The following TMEM216 variants were observed in gnomAD, a reference collection of about 807,000 sequenced individuals.
The protein encoded by TMEM216 is cerebello-oculo-renal syndrome 2.
Under a neutral mutation model 17.8 loss-of-function variants are expected in TMEM216, and 15 were observed. The ratio of observed to expected loss-of-function variants is 0.84; its 90% CI spans 0.56 to 1.30. The LOEUF (loss-of-function observed/expected upper bound fraction) is 1.30, where lower values mean the gene tolerates loss of function less well. Ranked by LOEUF, TMEM216 falls within the 50% of genes most tolerant of loss-of-function variation. TMEM216 has a pLI of 0.00. For synonymous variants in TMEM216, 58 were observed against 73.5 expected (o/e 0.79, Z 1.08); for missense variants, 160 against 175.7 (o/e 0.91, Z 0.51).
At position 61,397,899 on chromosome 11, in the gene TMEM216, A is replaced by G. The variant is rs767271805; in HGVS notation, c.355A>G (p.Ile119Val). Reference protein sequence around the residue: ...LQTYVLRLEAIMNGILLFFCG... With the variant: ...LQTYVLRLEAVMNGILLFFCG... Reference sequence around the variant, plus strand: ...GACCTACGTACTCCGCCTGGAAGCCATCATGAATGGCATCTTGCTCTTCTT... The same window carrying G: ...GACCTACGTACTCCGCCTGGAAGCCGTCATGAATGGCATCTTGCTCTTCTT... Residue 119 changes from isoleucine (I) to valine (V), a missense_variant, in exon 4 of 5, where the codon ATC (isoleucine) becomes GTC (valine). Physicochemically the swap from Ile to Val is conservative, Grantham distance 29. Transcript: ENST00000515837. The G allele has an allele frequency of 3.1e-6, 5 of 1,614,030 alleles. No individual in the cohort carries two copies. The highest frequency in any genetic ancestry group is 3.3e-5 in the Admixed American group (2 of 60,024).
chr11:61,394,034 T>C (rs1858741747), intron 3 of TMEM216, 58 bp downstream of exon 3: 2 of 1,496,270 alleles, frequency 1.3e-6, no homozygotes, highest in Admixed American at 1.7e-5. Flanking sequence ...TATCTGTAAC[T>C]TGATTAACAA....
intron 3 of TMEM216, among the ~76,000 whole-genome samples, chr11:61,396,766 C>A (rs1007758706): frequency 6.6e-6 from 1 of 151,368 alleles, no homozygotes; most frequent in Admixed American, 6.6e-5. Flanking sequence ...TGCACTCCAG[C>A]CTGGGTGACA....
Position 61,392,636 on chromosome 11 carries a change from T to C in TMEM216, c.5T>C (p.Leu2Pro), listed in dbSNP as rs569734777. 745 of 1,534,858 alleles carry C rather than the reference T, an allele frequency of 4.9e-4. 10 individuals are homozygous for C. In the South Asian group the frequency reaches 8.5e-3, roughly 17 times the overall value. The change falls in exon 1 of 5, where the codon CTG (leucine) becomes CCG (proline). Residue 2 changes from leucine to proline, a missense_variant. Leu to Pro is a moderately conservative substitution (Grantham distance 98). Transcript: ENST00000515837. The stretch of plus-strand genomic sequence containing the variant: ...CGGGAGCCGCTGTGGCAGCGTATGC[T>C]GCCACGGGGACTGAAGATGGCGCCG... MLPRGLKMAPRG... is the reference protein window; with the variant it reads MPPRGLKMAPRG...
At chr11:61,395,771 T>C (rs1243315047) in intron 3 of TMEM216, among the ~76,000 whole-genome samples, 1 of 151,174 alleles carries the variant, frequency 6.6e-6, no homozygotes. Flanking sequence ...TGGCAGTTCA[T>C]GTAAAAATAA....
Position 61,393,966 on chromosome 11 carries a change from C to T in TMEM216, c.219C>T (p.Arg73=). 9 of 1,613,876 alleles carry T rather than the reference C, an allele frequency of 5.6e-6. No homozygotes were observed. The highest frequency in any genetic ancestry group is 6.8e-6 in the Non-Finnish European group (8 of 1,179,830). ...TTTATCTTGGAATTGAAGTAATTCG[C>T]CTGTTTTTTGGTAAGTGTTGTCCAG... ...LLLYLGIEVI[R]LFFGTKGNLC... The change falls in exon 3 of 5, where the codon CGC becomes CGT. Residue 73 remains arginine (R), a synonymous_variant. Coordinates refer to ENST00000515837, the MANE Select transcript of TMEM216 (RefSeq NM_001173990.3).
chr11:61,394,049 A>G, intron 3 of TMEM216, 73 bp downstream of exon 3: 1 of 1,380,132 alleles, frequency 7.2e-7, no homozygotes, highest in South Asian at 1.2e-5. Context: ...TAACAAGAAA[A>G]GTACATAACC....
At chr11:61,396,423 G>A (rs1171824223) in intron 3 of TMEM216, among the ~76,000 whole-genome samples, 1 of 152,072 alleles carries the variant, frequency 6.6e-6, no homozygotes, top group African/African-American at 2.4e-5. Context: ...AAGTTGCAGT[G>A]AGCCGAGATT....
chr11:61,394,725 G>A (rs866671479), intron 3 of TMEM216, among the ~76,000 whole-genome samples: 1 of 149,856 alleles, frequency 6.7e-6, no homozygotes. Context: ...GGAGTGCAGT[G>A]GCACCATCTC....
At chr11:61,396,931 CAAA>C (rs35510102) in intron 3 of TMEM216, among the ~76,000 whole-genome samples, 1 of 122,464 alleles carries the variant, frequency 8.2e-6, no homozygotes. Context: ...TAAACACTAT[CAAA>C]AAAAAAAAAA....
rs559802280 is a variant in TMEM216 at position 61,397,861 on chromosome 11, A to G, written c.317A>G (p.Tyr106Cys). ...TFPSAMMASY[Y>C]LLLQTYVLRL... is the part of the protein sequence containing the mutation. Reference sequence around the variant, plus strand: ...CCATCTGCCATGATGGCCTCCTATTACCTGCTGCTGCAGACCTACGTACTC... The same window carrying G: ...CCATCTGCCATGATGGCCTCCTATTGCCTGCTGCTGCAGACCTACGTACTC... The change falls in exon 4 of 5, where the codon TAC (tyrosine) becomes TGC (cysteine). Residue 106 changes from tyrosine to cysteine, a missense_variant. Tyr to Cys is a radical substitution (Grantham distance 194, BLOSUM62 -2). Coordinates refer to ENST00000515837, the MANE Select transcript of TMEM216 (RefSeq NM_001173990.3). 2 of 1,613,772 alleles carry G rather than the reference A, an allele frequency of 1.2e-6. No homozygotes were observed. Among genetic ancestry groups the G allele is most frequent in the South Asian group, 1.1e-5 (1 of 91,066 alleles).
intron 3 of TMEM216, among the ~76,000 whole-genome samples, chr11:61,397,329 GC>G (rs1172710766): frequency 2.0e-5 from 3 of 152,012 alleles, no homozygotes; most frequent in African/African-American, 7.2e-5. Context: ...ACCACGCCCG[GC>G]TACTTTTTTT....
intron 4 of TMEM216, 29 bp from the exon 5 acceptor site, chr11:61,398,241 T>G (rs375124250): frequency 2.6e-5 from 40 of 1,530,584 alleles, no homozygotes; most frequent in Non-Finnish European, 3.3e-5. Flanking sequence ...CTTTTAACAT[T>G]TTCTTTCTTT....
intron 3 of TMEM216, among the ~76,000 whole-genome samples, chr11:61,396,250 G>T (rs1311668947): frequency 6.6e-6 from 1 of 152,112 alleles, no homozygotes; most frequent in Non-Finnish European, 1.5e-5. Flanking sequence ...GGAGGCTGGG[G>T]CAGGCAGATC....
intron 3 of TMEM216, 177 bp from the exon 4 acceptor site, chr11:61,397,597 C>A: frequency 1.8e-6 from 1 of 550,490 alleles, no homozygotes; most frequent in Non-Finnish European, 3.2e-6. Context: ...TGACTTTAAT[C>A]TTGTAGCTCT....
In TMEM216 at chr11:61,398,740, A is replaced by C; in HGVS notation, c.*464A>C. ...AGTGATGTGAAAGCCTCTCACCCCA[A>C]TCCTCGGAGACTGAGTTCCACAACT... On this transcript the variant is annotated 3_prime_UTR_variant, in exon 5 of 5. Transcript: ENST00000515837. 6.3e-6 allele frequency: 1 copy of C among 158,694 alleles called. No individual in the cohort carries two copies. 9.8% of individuals were successfully genotyped at this position (158,694 alleles called of 1,614,324 possible).
chr11:61,396,743 G>A (rs1000437454), intron 3 of TMEM216, among the ~76,000 whole-genome samples: 4 of 151,570 alleles, frequency 2.6e-5, no homozygotes, highest in African/African-American at 7.3e-5. Context: ...GAAGTGAGCC[G>A]AGATCGCTCC....
chr11:61,397,325 C>G (rs1858822185), intron 3 of TMEM216, among the ~76,000 whole-genome samples: 1 of 152,014 alleles, frequency 6.6e-6, no homozygotes, highest in East Asian at 1.9e-4. Context: ...CGCCACCACG[C>G]CCGGCTACTT....
Position 61,393,274 on chromosome 11 carries a change from G to A in TMEM216, c.78G>A (p.Leu26=). ...SSTPLEILFF[L]NGWYNATYFL... is the part of the protein sequence containing the mutation. ...CCCCGCTGGAAATCCTGTTCTTTCT[G>A]AACGGGTGGTATAATGCTACCTATT... Residue 26 remains leucine (L), a synonymous_variant, in exon 2 of 5, where the codon CTG becomes CTA. Coordinates refer to ENST00000515837, the MANE Select transcript of TMEM216 (RefSeq NM_001173990.3). 1.3e-6 allele frequency: 2 copies of A among 1,536,010 alleles called. No homozygotes were observed. Among genetic ancestry groups the A allele is most frequent in the African/African-American group, 2.7e-5 (2 of 73,148 alleles).
In TMEM216 at chr11:61,397,809, C is replaced by G. The variant is rs780098806; in HGVS notation, c.265C>G (p.Leu89Val). Residue 89 changes from leucine to valine, a missense_variant, in exon 4 of 5, where the codon CTC becomes GTC. Leu to Val is a conservative substitution (Grantham distance 32). Coordinates refer to ENST00000515837, the MANE Select transcript of TMEM216 (RefSeq NM_001173990.3). ...AAACCTCTGCCAGCGAAAGATGCCG[C>G]TCAGTATTAGCGTGGCCTTGACCTT... ...KGNLCQRKMP[L>V]SISVALTFPS... 5 of 1,613,812 alleles carry G rather than the reference C, an allele frequency of 3.1e-6. No homozygotes were observed. The highest frequency in any genetic ancestry group is 2.2e-5 in the East Asian group (1 of 44,876).
Sources: gnomAD v4.1 joint callset for allele counts (sites outside exome capture counted in the v4.1 genomes callset) on GRCh38, gnomAD v4.1.1 for gene constraint, MANE v1.5 for transcripts, NCBI Gene and HGNC (gene_info 2026-07-23, HGNC 2026-07-21) for gene names.